ROBO1: variants seen among roughly 807,000 people sequenced by gnomAD.
ROBO1 encodes the protein roundabout homolog 1.
In ROBO1, 149 loss-of-function variants were observed where a neutral mutation model predicts 195.9. The observed-to-expected ratio is 0.76, with a 90% CI of 0.67 to 0.87. The LOEUF (loss-of-function observed/expected upper bound fraction) is 0.87, where lower values mean the gene tolerates loss of function less well. Ranked by LOEUF, ROBO1 falls within the 40% of genes least tolerant of loss-of-function variation. ROBO1 has a pLI of 0.00. For missense variants in ROBO1, 1,933 were observed against 2,068.3 expected, an observed-to-expected ratio of 0.93 and a Z score of 1.27; for synonymous variants, 816 against 733.2, an observed-to-expected ratio of 1.11 and a Z score of -1.82.
chr3:79,337,471 CCA>C (rs2034726941), intron 2 of ROBO1, among the ~76,000 whole-genome samples: 2 of 152,142 alleles, frequency 1.3e-5, no homozygotes, highest in African/African-American at 4.8e-5. Flanking sequence ...CTCTCTCCTG[CCA>C]CCATGTGAAG....
chr3:79,054,943 TC>T (rs997453223), intron 3 of ROBO1, among the ~76,000 whole-genome samples: 8 of 152,024 alleles, frequency 5.3e-5, no homozygotes, highest in African/African-American at 1.9e-4. Flanking sequence ...CCCAGATGGG[TC>T]CCAGCCTCTC....
At chr3:79,075,222 CAGGGTGAAG>C (rs1290639640) in intron 3 of ROBO1, among the ~76,000 whole-genome samples, 1 of 151,676 alleles carries the variant, frequency 6.6e-6, no homozygotes, top group Non-Finnish European at 1.5e-5. Flanking sequence ...AAAAACCTAC[CAGGGTGAAG>C]AGGTGAACTG....
At chr3:79,356,990 T>C (rs997333186) in intron 2 of ROBO1, among the ~76,000 whole-genome samples, 11 of 152,278 alleles carry the variant, frequency 7.2e-5, no homozygotes, top group African/African-American at 2.6e-4. Context: ...TCTTTTGTTG[T>C]ATATTGATAT....
intron 1 of ROBO1, among the ~76,000 whole-genome samples, chr3:79,684,888 C>T (rs1947055676): frequency 2.0e-5 from 3 of 151,832 alleles, no homozygotes; most frequent in African/African-American, 7.3e-5. Context: ...GTTGCCCGGG[C>T]CGGTTGCACA....
intron 8 of ROBO1, among the ~76,000 whole-genome samples, chr3:78,711,057 T>G (rs917876775): frequency 6.6e-6 from 1 of 152,182 alleles, no homozygotes; most frequent in African/African-American, 2.4e-5. Context: ...CATTTCATTG[T>G]ATATATTTAA....
intron 3 of ROBO1, among the ~76,000 whole-genome samples, chr3:79,002,745 G>A (rs931964738): frequency 2.0e-5 from 3 of 152,074 alleles, no homozygotes; most frequent in East Asian, 1.9e-4. Context: ...CTTTCTTGAG[G>A]GTGTAACTTA....
At chr3:78,600,004 G>C (rs1241591732) in intron 30 of ROBO1, 109 bp downstream of exon 30, 1 of 908,596 alleles carries the variant, frequency 1.1e-6, no homozygotes, top group Non-Finnish European at 1.8e-6. Context: ...TTAGAGTACT[G>C]AAAAGTTTGC....
chr3:79,617,458 C>A (rs567385175), intron 1 of ROBO1, among the ~76,000 whole-genome samples: 42 of 152,066 alleles, frequency 2.8e-4, no homozygotes, highest in Non-Finnish European at 5.0e-4. Flanking sequence ...CAGAAATTAT[C>A]TTTAAAAAGG....
intron 2 of ROBO1, among the ~76,000 whole-genome samples, chr3:79,514,032 GT>G (rs1471661456): frequency 6.6e-6 from 1 of 152,116 alleles, no homozygotes; most frequent in Admixed American, 6.5e-5. Context: ...TCTCTAGACC[GT>G]TAGTCACCAC....
chr3:78,712,776 T>G (rs1419501518), intron 8 of ROBO1, among the ~76,000 whole-genome samples: 1 of 152,190 alleles, frequency 6.6e-6, no homozygotes, highest in Non-Finnish European at 1.5e-5. Flanking sequence ...GCTAAATGAA[T>G]TTTGTAACTG....
intron 2 of ROBO1, among the ~76,000 whole-genome samples, chr3:79,582,675 A>G (rs1264831718): frequency 1.3e-5 from 2 of 152,006 alleles, no homozygotes; most frequent in Non-Finnish European, 1.5e-5. Flanking sequence ...AAACTCTCTC[A>G]TTCCTTCCTA....
chr3:78,875,241 A>G (rs568350474), intron 4 of ROBO1, among the ~76,000 whole-genome samples: 54 of 152,126 alleles, frequency 3.5e-4, no homozygotes, highest in Admixed American at 1.3e-3. Context: ...ATAGATTATA[A>G]ATGATTAGAA....
At chr3:79,172,976 T>C (rs868761595) in intron 2 of ROBO1, among the ~76,000 whole-genome samples, 2 of 152,198 alleles carry the variant, frequency 1.3e-5, no homozygotes, top group African/African-American at 4.8e-5. Flanking sequence ...AAGCATCTTT[T>C]AAACTCAGTA....
chr3:79,241,156 A>G (rs931551653), intron 2 of ROBO1, among the ~76,000 whole-genome samples: 3 of 152,186 alleles, frequency 2.0e-5, no homozygotes, highest in Admixed American at 1.3e-4. Context: ...AAATTAAATC[A>G]AAATCACCCT....
chr3:79,185,995 G>C (rs2081430693), intron 2 of ROBO1, among the ~76,000 whole-genome samples: 1 of 151,960 alleles, frequency 6.6e-6, no homozygotes, highest in Non-Finnish European at 1.5e-5. Context: ...ATTCAACCTG[G>C]AGTCTTGAAG....
At chr3:78,772,804 T>C (rs2083410793) in intron 4 of ROBO1, among the ~76,000 whole-genome samples, 1 of 152,026 alleles carries the variant, frequency 6.6e-6, no homozygotes, top group African/African-American at 2.4e-5. Flanking sequence ...CTCACAAGAA[T>C]TGGTGAAGAG....
At position 78,714,521 on chromosome 3, in the gene ROBO1, A is replaced by G. The variant is rs1431809378; in HGVS notation, c.921T>C (p.Tyr307=). ...TCAAGGTATGATCATCTCGGATTTC[A>G]TATCTAATGACATAACAAAAGAAAG... ...KDDGELPKSR[Y]EIRDDHTLKI... The change falls in exon 8 of 31, where the codon TAT becomes TAC. Residue 307 remains tyrosine (Y), a synonymous_variant. Transcript: ENST00000464233. 3 of 1,610,240 alleles carry G rather than the reference A, an allele frequency of 1.9e-6. No homozygotes were observed. The highest frequency in any genetic ancestry group is 2.2e-5 in the East Asian group (1 of 44,786).
chr3:79,474,227 G>A (rs1029019619), intron 2 of ROBO1, among the ~76,000 whole-genome samples: 2 of 152,122 alleles, frequency 1.3e-5, no homozygotes, highest in Non-Finnish European at 2.9e-5. Context: ...CAAAGTGTTA[G>A]TGAGTCGCTC....
Position 78,988,456 on chromosome 3 carries a change from G to A in ROBO1, c.173-49529C>T, listed in dbSNP as rs78198272. 2.8e-3 allele frequency among the ~76,000 whole-genome samples: 431 copies of A among 152,100 alleles called. 4 individuals carry two copies. The highest frequency in any genetic ancestry group is 0.015 in the East Asian group (77 of 5,160). Reference sequence around the variant, plus strand: ...ATTCTCAAATCTCTATTATTTTTGTGGTCTAACATTTCCCTTAGAAGGCAC... The same window carrying A: ...ATTCTCAAATCTCTATTATTTTTGTAGTCTAACATTTCCCTTAGAAGGCAC... On this transcript the variant is annotated intron_variant, in intron 3 of 30. Coordinates refer to ENST00000464233, the MANE Select transcript of ROBO1 (RefSeq NM_002941.4).
Sources: gnomAD v4.1 joint callset for allele counts (sites outside exome capture counted in the v4.1 genomes callset) on GRCh38, gnomAD v4.1.1 for gene constraint, MANE v1.5 for transcripts, NCBI Gene and HGNC (gene_info 2026-07-23, HGNC 2026-07-21) for gene names.